The following PRKCA variants were observed in gnomAD, a reference collection of about 807,000 sequenced individuals.
The protein encoded by PRKCA is protein kinase C alpha, also known as protein kinase C alpha type.
PRKCA carries 27 observed loss-of-function variants against 87.0 expected under a neutral mutation model. The ratio of observed to expected loss-of-function variants is 0.31; its 90% CI spans 0.23 to 0.43. The LOEUF (loss-of-function observed/expected upper bound fraction) is 0.43, where lower values mean the gene tolerates loss of function less well. Ranked by LOEUF, PRKCA falls within the 20% of genes least tolerant of loss-of-function variation. The pLI, the probability that PRKCA is intolerant of heterozygous loss-of-function variation, is 1.00. For missense variants in PRKCA, 518 were observed against 852.3 expected (o/e 0.61, Z 4.88); for synonymous variants, 329 against 311.1 (o/e 1.06, Z -0.61).
At chr17:66,392,530 CTTA>C (rs1298907873) in intron 2 of PRKCA, among the ~76,000 whole-genome samples, 3 of 152,108 alleles carry the variant, frequency 2.0e-5, no homozygotes, top group Non-Finnish European at 4.4e-5. Flanking sequence ...AATAACCACA[CTTA>C]TTATTTCCTT....
At chr17:66,591,987 G>T (rs1420499627) in intron 3 of PRKCA, among the ~76,000 whole-genome samples, 1 of 151,980 alleles carries the variant, frequency 6.6e-6, no homozygotes, top group Non-Finnish European at 1.5e-5. Context: ...GGGGTTTCTT[G>T]GCCTAGGATG....
intron 8 of PRKCA, among the ~76,000 whole-genome samples, chr17:66,690,684 C>T (rs527676044): frequency 2.6e-5 from 4 of 151,788 alleles, no homozygotes; most frequent in African/African-American, 4.8e-5. Flanking sequence ...AAAAATTAGC[C>T]GGGTTTGGTG....
At chr17:66,400,239 C>T (rs1282328186) in intron 2 of PRKCA, among the ~76,000 whole-genome samples, 1 of 152,204 alleles carries the variant, frequency 6.6e-6, no homozygotes, top group Non-Finnish European at 1.5e-5. Context: ...GCAACCTCCA[C>T]CTCATGGGTT....
chr17:66,723,321 G>A (rs1459158622), intron 8 of PRKCA, among the ~76,000 whole-genome samples: 4 of 152,148 alleles, frequency 2.6e-5, no homozygotes, highest in African/African-American at 7.2e-5. Context: ...CTCCTTTCTG[G>A]GTCAAAGCAA....
intron 10 of PRKCA, among the ~76,000 whole-genome samples, chr17:66,737,187 C>T (rs1327080328): frequency 8.2e-6 from 1 of 122,080 alleles, no homozygotes; most frequent in African/African-American, 3.4e-5. Flanking sequence ...CCCGTCTCTA[C>T]TAAATATACA....
chr17:66,798,453 CGGT>C (rs1165425981), intron 16 of PRKCA, among the ~76,000 whole-genome samples: 1,307 of 8,710 alleles, frequency 0.15, 150 homozygotes, highest in Non-Finnish European at 0.18. Context: ...GTGGTGGTGA[CGGT>C]GGTGGTGGTG....
intron 2 of PRKCA, among the ~76,000 whole-genome samples, chr17:66,409,258 C>G (rs975645552): frequency 4.6e-5 from 7 of 152,020 alleles, no homozygotes; most frequent in African/African-American, 1.7e-4. Context: ...CCTTTCTCCT[C>G]AGGTTCACTT....
At position 66,353,091 on chromosome 17, in the gene PRKCA, ATGCACTCCAGAGATCTAC is replaced by A. The variant is rs772342134; in HGVS notation, c.205+46966_205+46983del. Among the ~76,000 whole-genome samples the A allele has an allele frequency of 2.6e-3, 397 of 152,202 alleles. 3 individuals are homozygous for A. Among genetic ancestry groups the A allele is most frequent in the Non-Finnish European group, 2.3e-3 (158 of 67,996 alleles). ...AATGAAGATAGGTTCTTTTTATGCC[ATGCACTCCAGAGATCTAC>A]TACACAGCTGGGTGGCTATGATTTG... On this transcript the variant is annotated intron_variant, in intron 2 of 16. Coordinates refer to ENST00000413366, the MANE Select transcript of PRKCA (RefSeq NM_002737.3).
intron 3 of PRKCA, among the ~76,000 whole-genome samples, chr17:66,585,568 T>C (rs554722782): frequency 1.3e-5 from 2 of 152,346 alleles, no homozygotes; most frequent in East Asian, 3.9e-4. Context: ...GGACCACTCC[T>C]TAAGCCACTG....
intron 2 of PRKCA, among the ~76,000 whole-genome samples, chr17:66,483,327 G>A (rs369300805): frequency 2.0e-5 from 3 of 152,214 alleles, no homozygotes; most frequent in African/African-American, 7.2e-5. Context: ...CTGGCTTCTG[G>A]TGGTTTCCCG....
At chr17:66,398,191 C>T (rs949318593) in intron 2 of PRKCA, 12 of 152,076 alleles carry the variant, frequency 7.9e-5, no homozygotes, top group African/African-American at 1.9e-4. Flanking sequence ...AACCCATGGT[C>T]GAAGTCCAAG....
At chr17:66,529,492 A>C (rs77848873) in intron 3 of PRKCA, among the ~76,000 whole-genome samples, 3 of 152,174 alleles carry the variant, frequency 2.0e-5, no homozygotes, top group African/African-American at 4.8e-5. Flanking sequence ...CGGGCCATCA[A>C]GCTTCCTTCC....
intron 3 of PRKCA, among the ~76,000 whole-genome samples, chr17:66,524,653 G>A (rs184745478): frequency 3.3e-5 from 5 of 152,258 alleles, no homozygotes; most frequent in African/African-American, 7.2e-5. Context: ...TATGGGCCAG[G>A]TTCTCTTCTG....
rs1357355421 is a variant in PRKCA at position 66,788,984 on chromosome 17, G to C, written c.1854+5G>C. 6.2e-7 allele frequency: 1 copy of C among 1,613,874 alleles called. No individual in the cohort carries two copies. The highest frequency in any genetic ancestry group is 8.5e-7 in the Non-Finnish European group (1 of 1,179,990). The stretch of plus-strand genomic sequence containing the variant: ...CCACCATTCAAGCCCAAAGTGGTGA[G>C]TCCAGAAAAGCAGCCTGTTTTCGGA... On this transcript the variant is annotated splice_donor_5th_base_variant and intron_variant, in intron 16 of 16. Coordinates refer to ENST00000413366, the MANE Select transcript of PRKCA (RefSeq NM_002737.3).
chr17:66,548,807 A>G (rs996288978), intron 3 of PRKCA, among the ~76,000 whole-genome samples: 5 of 94,230 alleles, frequency 5.3e-5, no homozygotes, highest in African/African-American at 6.8e-5. Flanking sequence ...CGTTTCGGCA[A>G]GTTTTTTTTT....
chr17:66,638,444 G>A (rs2143784322), intron 3 of PRKCA: 1 of 151,968 alleles, frequency 6.6e-6, no homozygotes, highest in African/African-American at 2.4e-5. Context: ...TGTAAAACGA[G>A]GATAATTAGG....
At chr17:66,457,064 T>G (rs1485819910) in intron 2 of PRKCA, among the ~76,000 whole-genome samples, 2 of 152,128 alleles carry the variant, frequency 1.3e-5, no homozygotes, top group African/African-American at 4.8e-5. Flanking sequence ...GTGCTTGGCA[T>G]GATTAGGATG....
chr17:66,473,139 T>A (rs141092485), intron 2 of PRKCA, among the ~76,000 whole-genome samples: 28 of 152,252 alleles, frequency 1.8e-4, no homozygotes, highest in African/African-American at 6.7e-4. Flanking sequence ...GTATTGCATA[T>A]TTTTACCTGA....
intron 2 of PRKCA, among the ~76,000 whole-genome samples, chr17:66,308,503 A>G (rs952134984): frequency 4.6e-5 from 7 of 152,152 alleles, no homozygotes; most frequent in African/African-American, 1.4e-4. Context: ...AGAAGTGACT[A>G]TGTGCTTTCT....
Sources: allele counts gnomAD v4.1 joint callset (sites outside exome capture counted in the v4.1 genomes callset), GRCh38; gene constraint gnomAD v4.1.1; transcripts MANE v1.5; gene names NCBI Gene and HGNC (gene_info 2026-07-23, HGNC 2026-07-21).